Variants in GLIS3 observed in about 807,000 individuals in gnomAD.
The protein encoded by GLIS3 is GLIS family zinc finger 3.
A neutral mutation model predicts 78.6 loss-of-function variants in GLIS3; 53 were observed. That is an observed-to-expected ratio of 0.67 (90% CI 0.54 to 0.85). GLIS3 has a LOEUF of 0.85. Ranked by LOEUF, GLIS3 falls within the 40% of genes least tolerant of loss-of-function variation. The probability of loss-of-function intolerance (pLI) is 0.00; values close to 1 mark genes in which losing one functional copy is unlikely to be tolerated. For missense variants in GLIS3, 1,703 were observed against 1,231.1 expected, an observed-to-expected ratio of 1.38 and a Z score of -5.74; for synonymous variants, 684 against 509.9, an observed-to-expected ratio of 1.34 and a Z score of -4.60.
chr9:4,278,589 G>C (rs1349930142), intron 2 of GLIS3, among the ~76,000 whole-genome samples: 2 of 152,168 alleles, frequency 1.3e-5, no homozygotes, highest in Non-Finnish European at 2.9e-5. Context: ...AGAGAAGGGA[G>C]AGAAACTCCT....
chr9:4,286,188 G>A lies in GLIS3; in HGVS notation c.238C>T (p.His80Tyr). 6.2e-7 allele frequency: 1 copy of A among 1,614,252 alleles called. No individual in the cohort carries two copies. The highest frequency in any genetic ancestry group is 2.2e-5 in the East Asian group (1 of 44,882). Reference sequence around the variant, plus strand: ...CTCCTGGGGCTTAAGGCAGGCAGATGGATGCGGCTCTCAGCCACGTTGTTC... The same window carrying A: ...CTCCTGGGGCTTAAGGCAGGCAGATAGATGCGGCTCTCAGCCACGTTGTTC... ...PQNNVAESRI[H>Y]LPALSPRRQM... The change falls in exon 2 of 11, where the codon CAT (histidine) becomes TAT (tyrosine). Residue 80 changes from histidine to tyrosine, a missense_variant. Physicochemically the swap from His to Tyr is moderately conservative, Grantham distance 83. Coordinates refer to ENST00000381971, the MANE Select transcript of GLIS3 (RefSeq NM_001042413.2).
rs181019505 is a variant in GLIS3 at position 4,321,411 on chromosome 9, G to C, written n.265-10883C>G. Among the ~76,000 whole-genome samples the C allele has an allele frequency of 3.5e-5, 2 of 57,130 alleles. 1 individual carries two copies. The highest frequency in any genetic ancestry group is 5.2e-5 in the Non-Finnish European group (2 of 38,438). 37.5% of individuals were successfully genotyped at this position (57,130 alleles called of 152,430 possible). On this transcript the variant is annotated intron_variant and non_coding_transcript_variant, in intron 2 of 4. Coordinates refer to the GLIS3 transcript ENST00000471664. ...CACTCCAGCCTGGGCCACAGAGCTA[G>C]ACTCCGTCTCAAAAAAAAAAAAAAA...
chr9:4,183,170 T>C (rs1817482974), intron 2 of GLIS3, among the ~76,000 whole-genome samples: 1 of 152,234 alleles, frequency 6.6e-6, no homozygotes, highest in Non-Finnish European at 1.5e-5. Flanking sequence ...ATGACTTCCA[T>C]GTTACTTCTG....
intron 2 of GLIS3, among the ~76,000 whole-genome samples, chr9:4,342,492 CG>C (rs1817849115): frequency 6.6e-6 from 1 of 152,130 alleles, no homozygotes; most frequent in African/African-American, 2.4e-5. Context: ...TGGGTTACTG[CG>C]GTCTTGTAGT....
chr9:3,906,401 T>G (rs745717213), intron 6 of GLIS3, among the ~76,000 whole-genome samples: 1 of 152,022 alleles, frequency 6.6e-6, no homozygotes. Context: ...TCAAAAGTGC[T>G]CTTTCGAAGG....
intron 4 of GLIS3, among the ~76,000 whole-genome samples, chr9:4,028,715 T>G (rs941615238): frequency 3.7e-5 from 5 of 133,722 alleles, no homozygotes; most frequent in African/African-American, 1.7e-4. Context: ...TTGAATTGAG[T>G]AAGATTTTAA....
intron 6 of GLIS3, among the ~76,000 whole-genome samples, chr9:3,920,633 A>C (rs1824824358): frequency 1.4e-5 from 2 of 143,186 alleles, no homozygotes; most frequent in Admixed American, 1.4e-4. Flanking sequence ...TTTTTTAAAG[A>C]AGAGGTGGGG....
intron 4 of GLIS3, among the ~76,000 whole-genome samples, chr9:4,032,157 T>C (rs1052924964): frequency 2.0e-5 from 3 of 152,166 alleles, no homozygotes; most frequent in African/African-American, 7.2e-5. Context: ...GCAGACTGCC[T>C]GATGTATGGA....
chr9:4,172,676 G>T (rs1816476683), intron 2 of GLIS3, among the ~76,000 whole-genome samples: 1 of 152,118 alleles, frequency 6.6e-6, no homozygotes, highest in South Asian at 2.1e-4. Flanking sequence ...AGTACAAAAG[G>T]GCTTTGCCTG....
chr9:4,246,806 C>A (rs1215401935), intron 2 of GLIS3, among the ~76,000 whole-genome samples: 1 of 152,172 alleles, frequency 6.6e-6, no homozygotes, highest in Non-Finnish European at 1.5e-5. Flanking sequence ...TTCTTTTGGA[C>A]CCCTGACATA....
intron 4 of GLIS3, among the ~76,000 whole-genome samples, chr9:3,980,493 C>T (rs1034285967): frequency 6.6e-6 from 1 of 152,202 alleles, no homozygotes; most frequent in African/African-American, 2.4e-5. Flanking sequence ...GGAGCTGCCA[C>T]AGCACTGGTA....
intron 2 of GLIS3, among the ~76,000 whole-genome samples, chr9:4,230,983 G>A (rs1013951473): frequency 6.6e-6 from 1 of 152,116 alleles, no homozygotes. Flanking sequence ...GGAGTGGGAT[G>A]ATCACTTGAG....
At chr9:4,254,669 A>G (rs1033069701) in intron 2 of GLIS3, among the ~76,000 whole-genome samples, 1 of 151,814 alleles carries the variant, frequency 6.6e-6, no homozygotes, top group African/African-American at 2.4e-5. Context: ...GTGAAACCCC[A>G]TCTCTACTAA....
At chr9:4,214,915 C>G (rs1820684654) in intron 2 of GLIS3, among the ~76,000 whole-genome samples, 1 of 152,198 alleles carries the variant, frequency 6.6e-6, no homozygotes, top group Non-Finnish European at 1.5e-5. Context: ...GATTCACAGA[C>G]AGGCTCACCT....
intron 2 of GLIS3, among the ~76,000 whole-genome samples, chr9:4,235,142 T>TAAA (rs1015962043): frequency 6.6e-6 from 1 of 151,342 alleles, no homozygotes; most frequent in African/African-American, 2.4e-5. Flanking sequence ...ACTAAAAATT[T>TAAA]AAAAAAAATC....
chr9:3,925,152 A>C (rs553775610), intron 6 of GLIS3, among the ~76,000 whole-genome samples: 148 of 152,200 alleles, frequency 9.7e-4, no homozygotes, highest in African/African-American at 3.4e-3. Flanking sequence ...AATAATACTG[A>C]TCTCCTTATT....
chr9:4,339,370 T>C (rs185216980), intron 2 of GLIS3, among the ~76,000 whole-genome samples: 3 of 152,342 alleles, frequency 2.0e-5, no homozygotes, highest in African/African-American at 7.2e-5. Flanking sequence ...ATGAAATACA[T>C]GCTTCACTCT....
At chr9:4,047,602 T>C (rs1588533325) in intron 4 of GLIS3, among the ~76,000 whole-genome samples, 1 of 152,172 alleles carries the variant, frequency 6.6e-6, no homozygotes, top group Non-Finnish European at 1.5e-5. Flanking sequence ...TGCTGGGAGC[T>C]AGAGATGCAT....
rs1159470097 is a variant in GLIS3 at position 3,834,988 on chromosome 9, T to C, written c.2474-5496A>G. On this transcript the variant is annotated intron_variant, in intron 9 of 10. Transcript: ENST00000381971. ...GGCGATGTGCCCTTGTGGGTCTCCA[T>C]TTATCCTACCATATGATGGTGGAGT... Among the ~76,000 whole-genome samples, 3 of 152,152 alleles carry C rather than the reference T, an allele frequency of 2.0e-5. No homozygotes were observed. In the South Asian group the frequency reaches 6.2e-4, roughly 32 times the overall value.
Sources: allele counts gnomAD v4.1 joint callset (sites outside exome capture counted in the v4.1 genomes callset), GRCh38; gene constraint gnomAD v4.1.1; transcripts MANE v1.5; gene names NCBI Gene and HGNC (gene_info 2026-07-23, HGNC 2026-07-21).